Variants in EYS observed in about 807,000 individuals in gnomAD.
EYS encodes the protein protein eyes shut homolog.
A neutral mutation model predicts 282.1 loss-of-function variants in EYS; 250 were observed. The ratio of observed to expected loss-of-function variants is 0.89; its 90% CI spans 0.80 to 0.98. The LOEUF (loss-of-function observed/expected upper bound fraction) is 0.98. EYS is among the 50% of genes least tolerant of loss of function. The probability of loss-of-function intolerance (pLI) is 0.00; values close to 1 mark genes in which losing one functional copy is unlikely to be tolerated. For synonymous variants in EYS, 1,355 were observed against 1,282.9 expected, an observed-to-expected ratio of 1.06 and a Z score of -1.20; for missense variants, 4,016 against 3,709.0, an observed-to-expected ratio of 1.08 and a Z score of -2.15.
rs1276106229 is a variant in EYS, at chr6:64,835,333, A to C, written c.2993-12511T>G. ...AAACATGTGCATAATAAGGATGAGG[A>C]GAGGCAATAGAGATTGTTGTTGAGG... is the stretch of plus-strand genomic sequence containing the variant. On this transcript the variant is annotated intron_variant, in intron 19 of 42. Transcript: ENST00000503581. Among the ~76,000 whole-genome samples, 12 of 151,724 alleles carry C rather than the reference A, an allele frequency of 7.9e-5. No individual in the cohort carries two copies. The Admixed American group carries it at 7.9e-4, about 10-fold the overall frequency.
intron 22 of EYS, among the ~76,000 whole-genome samples, chr6:64,797,578 C>T (rs1774396890): frequency 1.3e-5 from 2 of 151,786 alleles, no homozygotes; most frequent in South Asian, 4.2e-4. Context: ...TGACCAATTG[C>T]CAAATAAAGC....
At chr6:65,290,941 A>T (rs113498928) in intron 12 of EYS, among the ~76,000 whole-genome samples, 2,223 of 151,518 alleles carry the variant, frequency 0.015, 47 homozygotes, top group African/African-American at 0.051. Context: ...AGGAAGAAAA[A>T]AAATGGGTGT....
chr6:64,821,983 G>A (rs1021326303), intron 20 of EYS, among the ~76,000 whole-genome samples: 2 of 152,004 alleles, frequency 1.3e-5, no homozygotes, highest in Admixed American at 1.3e-4. Context: ...AGTATGTCTA[G>A]GGCTTATGTG....
chr6:64,442,725 A>G (rs1437345270), intron 26 of EYS, among the ~76,000 whole-genome samples: 3 of 152,226 alleles, frequency 2.0e-5, no homozygotes, highest in African/African-American at 7.2e-5. Flanking sequence ...GGAAGCCCCA[A>G]GCCTTGGAAG....
At chr6:64,423,010 T>C (rs1320838225) in intron 28 of EYS, among the ~76,000 whole-genome samples, 1 of 152,202 alleles carries the variant, frequency 6.6e-6, no homozygotes, top group Non-Finnish European at 1.5e-5. Flanking sequence ...AATTTTGTTT[T>C]GAAAATGTTG....
intron 41 of EYS, among the ~76,000 whole-genome samples, chr6:63,752,010 C>T (rs1289680821): frequency 6.6e-6 from 1 of 152,152 alleles, no homozygotes. Context: ...CTACCAAAAT[C>T]TTCTAGGATG....
chr6:64,657,669 G>A (rs1015991135), intron 22 of EYS, among the ~76,000 whole-genome samples: 1 of 152,142 alleles, frequency 6.6e-6, no homozygotes, highest in East Asian at 1.9e-4. Context: ...CTTTAAGAAT[G>A]TTGAATATTG....
chr6:64,817,491 G>A (rs150950131), intron 21 of EYS, among the ~76,000 whole-genome samples: 33 of 152,242 alleles, frequency 2.2e-4, no homozygotes, highest in Admixed American at 7.2e-4. Context: ...TCATGTGTGC[G>A]TACTCAGTTT....
At chr6:64,291,242 A>G (rs1019143568) in intron 30 of EYS, among the ~76,000 whole-genome samples, 1 of 152,038 alleles carries the variant, frequency 6.6e-6, no homozygotes, top group Non-Finnish European at 1.5e-5. Context: ...AATAGTTTTA[A>G]CAGAGCTGTC....
chr6:63,919,614 TG>T (rs1562096080), intron 35 of EYS, among the ~76,000 whole-genome samples: 1 of 152,188 alleles, frequency 6.6e-6, no homozygotes. Context: ...TCTGGGGGAC[TG>T]GGGGAAGGTT....
At chr6:64,892,464 C>G (rs1284501789) in intron 18 of EYS, among the ~76,000 whole-genome samples, 3 of 151,820 alleles carry the variant, frequency 2.0e-5, no homozygotes, top group African/African-American at 7.2e-5. Flanking sequence ...ACTGGTGAAA[C>G]TTTCTGATAA....
chr6:64,509,556 G>T (rs1777317823), intron 26 of EYS, among the ~76,000 whole-genome samples: 1 of 152,170 alleles, frequency 6.6e-6, no homozygotes, highest in South Asian at 2.1e-4. Context: ...TGTATAGACT[G>T]CCGTCATTGC....
intron 22 of EYS, among the ~76,000 whole-genome samples, chr6:64,674,496 G>A (rs920290753): frequency 6.6e-6 from 1 of 152,036 alleles, no homozygotes; most frequent in African/African-American, 2.4e-5. Flanking sequence ...GCAACCCTAA[G>A]AGGCAGTTCA....
chr6:65,589,152 A>G (rs775364043), intron 2 of EYS, among the ~76,000 whole-genome samples: 4 of 151,996 alleles, frequency 2.6e-5, no homozygotes, highest in Non-Finnish European at 5.9e-5. Context: ...GGATTTGCTT[A>G]CAGTCACTAT....
chr6:64,406,877 A>G (rs1398280301), intron 28 of EYS, among the ~76,000 whole-genome samples: 1 of 152,330 alleles, frequency 6.6e-6, no homozygotes, highest in African/African-American at 2.4e-5. Context: ...TAGTTCAACC[A>G]TTGTGGAAGA....
intron 36 of EYS, among the ~76,000 whole-genome samples, chr6:63,824,267 A>G (rs180831635): frequency 3.0e-3 from 456 of 152,330 alleles, no homozygotes; most frequent in African/African-American, 0.01. Context: ...CCACTAAGTG[A>G]TTTTATGAAT....
intron 36 of EYS, among the ~76,000 whole-genome samples, chr6:63,810,849 T>C (rs558977980): frequency 2.6e-5 from 4 of 152,376 alleles, no homozygotes; most frequent in East Asian, 1.9e-4. Flanking sequence ...TTGTCTCTTA[T>C]GAATTAATAA....
chr6:65,690,803 G>T (rs1177761057), intron 1 of EYS, among the ~76,000 whole-genome samples: 2 of 149,614 alleles, frequency 1.3e-5, no homozygotes, highest in Non-Finnish European at 1.5e-5. Flanking sequence ...TCATTGTTCA[G>T]CTCTCACTTA....
At chr6:65,332,089 C>A in intron 11 of EYS, 1 of 328,800 alleles carries the variant, frequency 3.0e-6, no homozygotes, top group Non-Finnish European at 5.5e-6. Flanking sequence ...AGCCTTTCAC[C>A]GTAAAGTATA....
Sources: allele counts gnomAD v4.1 joint callset (sites outside exome capture counted in the v4.1 genomes callset), GRCh38; gene constraint gnomAD v4.1.1; transcripts MANE v1.5; gene names NCBI Gene and HGNC (gene_info 2026-07-23, HGNC 2026-07-21).